The following PGM5 variants were observed in gnomAD, a reference collection of about 807,000 sequenced individuals.
PGM5 encodes the protein phosphoglucomutase-like protein 5.
In PGM5, 23 loss-of-function variants were observed where a neutral mutation model predicts 59.2. The ratio of observed to expected loss-of-function variants is 0.39; its 90% CI spans 0.28 to 0.55. The LOEUF is 0.55. Ranked by LOEUF, PGM5 falls within the 20% of genes least tolerant of loss-of-function variation. The pLI, the probability that PGM5 is intolerant of heterozygous loss-of-function variation, is 0.66. For missense variants in PGM5, 574 were observed against 748.3 expected (o/e 0.77, Z 2.72); for synonymous variants, 214 against 286.0 (o/e 0.75, Z 2.54).
intron 9 of PGM5, among the ~76,000 whole-genome samples, chr9:68,496,253 A>G (rs1824480519): frequency 2.6e-5 from 4 of 152,368 alleles, no homozygotes; most frequent in African/African-American, 9.6e-5. Context: ...TGGAAAGAAC[A>G]TGGCTCGTGT....
At chr9:68,375,460 G>A (rs1821854866) in intron 1 of PGM5, among the ~76,000 whole-genome samples, 1 of 152,156 alleles carries the variant, frequency 6.6e-6, no homozygotes, top group South Asian at 2.1e-4. Flanking sequence ...CCTAGTCCAA[G>A]ACTCTATCAA....
At chr9:68,408,789 A>G (rs1363201156) in intron 6 of PGM5, among the ~76,000 whole-genome samples, 3 of 152,354 alleles carry the variant, frequency 2.0e-5, no homozygotes, top group South Asian at 2.1e-4. Flanking sequence ...AGCTTTCTAC[A>G]TATGACTAGC....
In PGM5 at chr9:68,483,990, C is replaced by T. The variant is rs781843179; in HGVS notation, c.1421C>T (p.Ala474Val). 1.6e-5 allele frequency: 26 copies of T among 1,613,866 alleles called. 1 individual carries two copies. The highest frequency in any genetic ancestry group is 1.3e-4 in the African/African-American group (10 of 74,870). The change falls in exon 9 of 11, where the codon GCG becomes GTG. Residue 474 changes from alanine (A) to valine (V), a missense_variant. Physicochemically the swap from Ala to Val is moderately conservative, Grantham distance 64. Coordinates refer to ENST00000396396, the MANE Select transcript of PGM5 (RefSeq NM_021965.4). ...FAVGSHVYSVAKTDSFEYVDP... is the reference protein window; with the variant it reads ...FAVGSHVYSVVKTDSFEYVDP... The stretch of plus-strand genomic sequence containing the variant: ...GTGGGGAGCCATGTCTACAGCGTGG[C>T]GAAGACGGATAGTTTTGAATACGTG...
rs532623433 is a variant in PGM5, at chr9:68,356,682, C to T, written c.-446C>T. ...CCGGACTCTGCCCAAAGTCTCGCCG[C>T]CCGCCGGCTGTTTTCTGGCGGAGGG... is the stretch of plus-strand genomic sequence containing the variant. On this transcript the variant is annotated 5_prime_UTR_variant, in exon 1 of 11. Coordinates refer to ENST00000396396, the MANE Select transcript of PGM5 (RefSeq NM_021965.4). Among the ~76,000 whole-genome samples, 485 of 151,810 alleles carry T rather than the reference C, an allele frequency of 3.2e-3. No individual in the cohort carries two copies. Among genetic ancestry groups the T allele is most frequent in the African/African-American group, 1.0e-2 (415 of 41,544 alleles).
At chr9:68,457,026 A>T (rs1167895490) in intron 6 of PGM5, among the ~76,000 whole-genome samples, 6 of 152,126 alleles carry the variant, frequency 3.9e-5, no homozygotes, top group African/African-American at 1.4e-4. Context: ...CATATTGGCC[A>T]ATCAGTCTTC....
At chr9:68,464,832 G>A (rs1823908299) in intron 6 of PGM5, among the ~76,000 whole-genome samples, 1 of 152,084 alleles carries the variant, frequency 6.6e-6, no homozygotes, top group Non-Finnish European at 1.5e-5. Context: ...ATGTATAGAA[G>A]TGAAACAAAT....
chr9:68,411,486 G>A (rs1971479), intron 6 of PGM5, among the ~76,000 whole-genome samples: 55,305 of 137,720 alleles, frequency 0.4, 11,115 homozygotes, highest in Middle Eastern at 0.43. Context: ...GTGTGTGTGT[G>A]TGTATATATA....
At chr9:68,430,510 G>A (rs942450437) in intron 6 of PGM5, among the ~76,000 whole-genome samples, 7 of 152,196 alleles carry the variant, frequency 4.6e-5, no homozygotes, top group East Asian at 3.8e-4. Flanking sequence ...GTAAATCCTT[G>A]TACTTTCCTC....
rs1385984813 is a variant in PGM5 at position 68,426,409 on chromosome 9, TG to T, written c.1043+33937del. 2.0e-5 allele frequency among the ~76,000 whole-genome samples: 3 copies of T among 152,322 alleles called. No homozygotes were observed. In the East Asian group the frequency reaches 5.8e-4, roughly 29 times the overall value. On this transcript the variant is annotated intron_variant, in intron 6 of 10. Coordinates refer to ENST00000396396, the MANE Select transcript of PGM5 (RefSeq NM_021965.4). ...TTGTTTTTAACACATTTCTGATCTT[TG>T]TTCATATGTATATATGGTTTCAATC... is the stretch of plus-strand genomic sequence containing the variant.
intron 6 of PGM5, among the ~76,000 whole-genome samples, chr9:68,463,802 CT>C (rs1257839063): frequency 6.6e-6 from 1 of 152,214 alleles, no homozygotes; most frequent in East Asian, 1.9e-4. Context: ...GCATTTAATG[CT>C]GGCAATACAG....
At chr9:68,415,755 A>G (rs377707906) in intron 6 of PGM5, among the ~76,000 whole-genome samples, 3,357 of 111,276 alleles carry the variant, frequency 0.03, 66 homozygotes, top group Non-Finnish European at 0.044. Flanking sequence ...TCAACTCTTG[A>G]TTATAAATTT....
intron 6 of PGM5, among the ~76,000 whole-genome samples, chr9:68,445,535 C>T (rs1823597992): frequency 6.6e-6 from 1 of 152,194 alleles, no homozygotes; most frequent in Middle Eastern, 3.2e-3. Context: ...CCAGGGGCTC[C>T]ACCGCCTGCA....
chr9:68,385,453 G>C (rs782148794), intron 3 of PGM5, among the ~76,000 whole-genome samples: 8 of 152,042 alleles, frequency 5.3e-5, no homozygotes, highest in Non-Finnish European at 1.0e-4. Flanking sequence ...AAAATGGATT[G>C]TGTGGGGGGT....
chr9:68,455,058 G>A (rs1459363138), intron 6 of PGM5, among the ~76,000 whole-genome samples: 1 of 152,212 alleles, frequency 6.6e-6, no homozygotes, highest in African/African-American at 2.4e-5. Flanking sequence ...GTGGCTGCCT[G>A]TGCATCCCTT....
At chr9:68,477,500 G>A (rs1824126333) in intron 7 of PGM5, among the ~76,000 whole-genome samples, 1 of 152,146 alleles carries the variant, frequency 6.6e-6, no homozygotes, top group South Asian at 2.1e-4. Context: ...TTCCATGTAT[G>A]TTTTGTAGTT....
chr9:68,452,020 T>C, intron 6 of PGM5, among the ~76,000 whole-genome samples: 1 of 152,252 alleles, frequency 6.6e-6, no homozygotes, highest in Non-Finnish European at 1.5e-5. Flanking sequence ...AGGGATACCT[T>C]TAGCACAAAA....
chr9:68,422,630 A>G (rs1325804700), intron 6 of PGM5, among the ~76,000 whole-genome samples: 1 of 152,138 alleles, frequency 6.6e-6, no homozygotes, highest in Non-Finnish European at 1.5e-5. Flanking sequence ...AAAAGTAAGA[A>G]GGCATATTGT....
chr9:68,508,518 A>C (rs1371199608), intron 10 of PGM5, among the ~76,000 whole-genome samples: 1 of 152,172 alleles, frequency 6.6e-6, no homozygotes. Flanking sequence ...TCTTACCAAA[A>C]TATCTTTTGT....
At chr9:68,508,068 G>A (rs922427232) in intron 10 of PGM5, among the ~76,000 whole-genome samples, 3 of 152,126 alleles carry the variant, frequency 2.0e-5, no homozygotes, top group African/African-American at 7.2e-5. Context: ...CTGAGTATGT[G>A]AAGCCCTGTG....
Sources: gnomAD v4.1 joint callset for allele counts (sites outside exome capture counted in the v4.1 genomes callset) on GRCh38, gnomAD v4.1.1 for gene constraint, MANE v1.5 for transcripts, NCBI Gene and HGNC (gene_info 2026-07-23, HGNC 2026-07-21) for gene names.